NFATC1: variants seen among roughly 807,000 people sequenced by gnomAD.
NFATC1 encodes the protein nuclear factor of activated T cells 1, also known as nuclear factor of activated T-cells, cytoplasmic 1.
NFATC1 carries 22 observed loss-of-function variants against 76.0 expected under a neutral mutation model. The observed-to-expected ratio is 0.29, with a 90% confidence interval of 0.21 to 0.41. The LOEUF is 0.41. Among genes scored for constraint, NFATC1 ranks in the 10% least tolerant of loss-of-function variants. The probability of loss-of-function intolerance (pLI) is 1.00; values close to 1 mark genes in which losing one functional copy is unlikely to be tolerated. For missense variants in NFATC1, 1,357 were observed against 1,337.7 expected, an observed-to-expected ratio of 1.01 and a Z score of -0.23; for synonymous variants, 704 against 613.1, an observed-to-expected ratio of 1.15 and a Z score of -2.19.
chr18:79,415,042 G>A (rs778581558), intron 2 of NFATC1, among the ~76,000 whole-genome samples: 1 of 152,186 alleles, frequency 6.6e-6, no homozygotes, highest in African/African-American at 2.4e-5. Context: ...CTGGGCACCT[G>A]CCACAGGCCA....
chr18:79,425,009 C>G (rs1005230477), intron 2 of NFATC1, among the ~76,000 whole-genome samples: 4 of 151,138 alleles, frequency 2.6e-5, no homozygotes, highest in Non-Finnish European at 5.9e-5. Context: ...CTGTGTCTGT[C>G]TCTCTCTCTG....
At position 79,396,300 on chromosome 18, in the gene NFATC1, A is replaced by G; in HGVS notation, c.76A>G (p.Thr26Ala). The change falls in exon 1 of 10, where the codon ACT (threonine) becomes GCT (alanine). Residue 26 changes from threonine to alanine, a missense_variant. By Grantham distance (58) the Thr-to-Ala change is moderately conservative (BLOSUM62 0). Transcript: ENST00000427363. The stretch of plus-strand genomic sequence containing the variant: ...GGCTGCGGTCTTCGGGAGAGGAGAA[A>G]CTTTGGGGCCCGCGCCGCGCGCCGG... ...PAAAVFGRGE[T>A]LGPAPRAGGT... 1 of 1,439,586 alleles carries G rather than the reference A, an allele frequency of 6.9e-7. No individual in the cohort carries two copies. Among genetic ancestry groups the G allele is most frequent in the Non-Finnish European group, 9.2e-7 (1 of 1,083,400 alleles). The allele number at this position is 1,439,586 out of a possible 1,614,324, so 89.2% of individuals were successfully genotyped here. A position where few individuals can be genotyped will look rare whatever the true frequency, so the allele number is the denominator to read the frequency against.
intron 9 of NFATC1, among the ~76,000 whole-genome samples, chr18:79,507,275 T>A (rs2090138288): frequency 6.6e-6 from 1 of 152,212 alleles, no homozygotes; most frequent in Non-Finnish European, 1.5e-5. Flanking sequence ...TGGCAGCAGC[T>A]CAGTTCCCGA....
At chr18:79,427,706 T>G (rs915013090) in intron 2 of NFATC1, among the ~76,000 whole-genome samples, 25 of 12,388 alleles carry the variant, frequency 2.0e-3, no homozygotes, top group South Asian at 3.7e-3. Flanking sequence ...GTGCAGTGGG[T>G]GGGGTTGGGG....
intron 6 of NFATC1, among the ~76,000 whole-genome samples, chr18:79,457,164 G>T (rs62096900): frequency 0.062 from 9,371 of 152,330 alleles, 365 homozygotes; most frequent in Middle Eastern, 0.12. Context: ...AGCAGGACAG[G>T]TGGCCGGGCT....
At chr18:79,445,806 G>T (rs2087183969) in intron 3 of NFATC1, among the ~76,000 whole-genome samples, 1 of 152,192 alleles carries the variant, frequency 6.6e-6, no homozygotes, top group South Asian at 2.1e-4. Flanking sequence ...ATGGGGTGGA[G>T]GGTGAGACAT....
intron 2 of NFATC1, among the ~76,000 whole-genome samples, chr18:79,427,190 T>C (rs1353834983): frequency 6.6e-6 from 1 of 152,222 alleles, no homozygotes; most frequent in Non-Finnish European, 1.5e-5. Context: ...GCCGTGACGT[T>C]GTCCTTCACG....
chr18:79,462,636 G>A (rs2088174687), intron 7 of NFATC1, among the ~76,000 whole-genome samples: 1 of 152,224 alleles, frequency 6.6e-6, no homozygotes. Context: ...CAGTTGGATT[G>A]ATCCCTACGT....
At position 79,511,879 on chromosome 18, in the gene NFATC1, C is replaced by T. The variant is rs2090262966; in HGVS notation, c.2783-15649C>T. Among the ~76,000 whole-genome samples the T allele has an allele frequency of 4.6e-5, 7 of 151,970 alleles. 1 individual carries two copies. In the South Asian group the frequency reaches 1.5e-3, roughly 32 times the overall value. On this transcript the variant is annotated intron_variant, in intron 9 of 9. Coordinates refer to ENST00000427363, the MANE Select transcript of NFATC1 (RefSeq NM_001278669.2). ...ACCTGCCTAGGGAGTTGGCAGGATTCGGGGCTTCTGGGGGAGGCCAGGAAC... is the reference window on the plus strand; with the variant it reads ...ACCTGCCTAGGGAGTTGGCAGGATTTGGGGCTTCTGGGGGAGGCCAGGAAC...
intron 9 of NFATC1, among the ~76,000 whole-genome samples, chr18:79,518,409 G>A (rs1355582509): frequency 1.3e-5 from 2 of 152,222 alleles, no homozygotes; most frequent in African/African-American, 2.4e-5. Flanking sequence ...TGTAAAGGGC[G>A]ATGGAGCCCC....
At position 79,410,265 on chromosome 18, in the gene NFATC1, C is replaced by G; in HGVS notation, c.128-138C>G. 7.2e-7 allele frequency: 1 copy of G among 1,398,398 alleles called. No individual in the cohort carries two copies. The highest frequency in any genetic ancestry group is 1.3e-5 in the South Asian group (1 of 74,576). 86.6% of individuals were successfully genotyped at this position (1,398,398 alleles called of 1,614,324 possible). ...GCCCGGAGCTGTCCGGCAGCGTGGT[C>G]TCAGGGACGTTTGCTGAGGCCCGCT... On this transcript the variant is annotated intron_variant, in intron 1 of 9. Coordinates refer to ENST00000427363, the MANE Select transcript of NFATC1 (RefSeq NM_001278669.2). The surrounding 1 kb of genome is among the most constrained non-coding windows in gnomAD (Gnocchi z 6.7).
chr18:79,501,543 T>A (rs2090014651), intron 9 of NFATC1, among the ~76,000 whole-genome samples: 1 of 152,040 alleles, frequency 6.6e-6, no homozygotes, highest in Admixed American at 6.6e-5. Context: ...AAAGTAAAAT[T>A]GTCTTTATTG....
chr18:79,425,380 C>T (rs984811660), intron 2 of NFATC1, among the ~76,000 whole-genome samples: 5 of 152,120 alleles, frequency 3.3e-5, no homozygotes, highest in Non-Finnish European at 5.9e-5. Flanking sequence ...AGGAGGGCTG[C>T]GGGAGGACCC....
chr18:79,473,339 T>C (rs1056939438), intron 8 of NFATC1, among the ~76,000 whole-genome samples: 7 of 152,396 alleles, frequency 4.6e-5, no homozygotes, highest in Admixed American at 1.3e-4. Flanking sequence ...GTTGCCTCGC[T>C]CTTCAGACGG....
chr18:79,405,902 A>T lies in NFATC1; in HGVS notation c.128-4501A>T, dbSNP rs549852603. ...CACTTCCTGCTCTCGCTGTGGGCGGAGTCTCCTCCTCTTCCTCACTTCCCC... is the reference window on the plus strand; with the variant it reads ...CACTTCCTGCTCTCGCTGTGGGCGGTGTCTCCTCCTCTTCCTCACTTCCCC... On this transcript the variant is annotated intron_variant, in intron 1 of 9. Transcript: ENST00000427363. Among the ~76,000 whole-genome samples the T allele has an allele frequency of 3.3e-5, 5 of 152,138 alleles. No homozygotes were observed. In the East Asian group the frequency reaches 9.7e-4, roughly 29 times the overall value.
chr18:79,528,156 C>T lies in NFATC1; in HGVS notation c.*579C>T. The T allele has an allele frequency of 2.6e-6, 1 of 388,308 alleles. No individual in the cohort carries two copies. Among genetic ancestry groups the T allele is most frequent in the East Asian group, 3.7e-5 (1 of 27,350 alleles). The allele number at this position is 388,308 out of a possible 1,614,324, so 24.1% of individuals were successfully genotyped here. Reference sequence around the variant, plus strand: ...TACACTCCTGCTGCCTTACACAGTGCATTTTAGAATCTTCCAGTCTGTCAT... The same window carrying T: ...TACACTCCTGCTGCCTTACACAGTGTATTTTAGAATCTTCCAGTCTGTCAT... On this transcript the variant is annotated 3_prime_UTR_variant, in exon 10 of 10. Transcript: ENST00000427363.
chr18:79,452,193 CAGGAGGG>C (rs2087504307), intron 6 of NFATC1: 1 of 165,080 alleles, frequency 6.1e-6, no homozygotes, highest in Non-Finnish European at 1.3e-5. Context: ...AGCAGCAGGG[CAGGAGGG>C]AGCTCCCCTC....
At chr18:79,430,584 T>C (rs890504561) in intron 2 of NFATC1, among the ~76,000 whole-genome samples, 1 of 152,250 alleles carries the variant, frequency 6.6e-6, no homozygotes, top group African/African-American at 2.4e-5. Context: ...GGTTTCACCC[T>C]GTTGGCCAGG....
At chr18:79,499,119 T>C (rs1259701614) in intron 9 of NFATC1, among the ~76,000 whole-genome samples, 1 of 152,196 alleles carries the variant, frequency 6.6e-6, no homozygotes, top group East Asian at 1.9e-4. Context: ...TCTGAACTGA[T>C]GTAAAAGGAA....
Sources: gnomAD v4.1 joint callset for allele counts (sites outside exome capture counted in the v4.1 genomes callset) on GRCh38, gnomAD v4.1.1 for gene constraint, Gnocchi (gnomAD v3.1) non-coding constraint, MANE v1.5 for transcripts, NCBI Gene and HGNC (gene_info 2026-07-23, HGNC 2026-07-21) for gene names.